MYO10: variants seen among roughly 807,000 people sequenced by gnomAD.
MYO10 encodes the protein unconventional myosin-X.
In MYO10, 133 loss-of-function variants were observed where a neutral mutation model predicts 257.3. That is an observed-to-expected ratio of 0.52 (90% CI 0.45 to 0.60). The LOEUF is 0.60. Ranked by LOEUF, MYO10 falls within the 20% of genes least tolerant of loss-of-function variation. The pLI is 0.00. For synonymous variants in MYO10, 1,104 were observed against 1,028.6 expected (o/e 1.07, Z -1.40); for missense variants, 2,399 against 2,635.7 (o/e 0.91, Z 1.97).
intron 9 of MYO10, among the ~76,000 whole-genome samples, chr5:16,778,842 C>A (rs1277453948): frequency 6.6e-6 from 1 of 152,098 alleles, no homozygotes; most frequent in African/African-American, 2.4e-5. Flanking sequence ...AGGCGCCCGC[C>A]ACCACGCCCG....
intron 21 of MYO10, among the ~76,000 whole-genome samples, chr5:16,709,571 C>A (rs1466197275): frequency 6.6e-6 from 1 of 151,988 alleles, no homozygotes; most frequent in East Asian, 1.9e-4. Flanking sequence ...GGACTTCAGT[C>A]CTCAAAAACA....
At chr5:16,697,771 A>G (rs796560649) in intron 26 of MYO10, among the ~76,000 whole-genome samples, 6 of 144,110 alleles carry the variant, frequency 4.2e-5, no homozygotes, top group African/African-American at 1.6e-4. Context: ...AAAGACGGCA[A>G]TAAAAAGGAA....
intron 19 of MYO10, chr5:16,713,265 G>A: frequency 1.0e-6 from 1 of 959,910 alleles, no homozygotes; most frequent in Non-Finnish European, 1.2e-6. Context: ...CGAAGCTCGA[G>A]TTATTAAAAC....
Position 16,764,254 on chromosome 5 carries a change from A to C in MYO10, c.1322T>G (p.Phe441Cys), listed in dbSNP as rs1740802817. Residue 441 changes from phenylalanine (F) to cysteine (C), a missense_variant, in exon 12 of 41, where the codon TTT becomes TGT. By Grantham distance (205) the Phe-to-Cys change is radical. Around this residue, in one of 3 missense-constraint regions of MYO10, gnomAD observed 337 missense variants for 446.8 expected, o/e 0.75. Coordinates refer to ENST00000513610, the MANE Select transcript of MYO10 (RefSeq NM_012334.3). ...CTGCACTGTTAGGAAACCTACCTCA[A>C]AGTTTTCAAATCCAAAGATGTCGAG... The part of the protein sequence containing the change: ...GILDIFGFEN[F>C]EVNHFEQFNI... The C allele has an allele frequency of 1.2e-6, 2 of 1,613,960 alleles. No individual in the cohort carries two copies. Among genetic ancestry groups the C allele is most frequent in the African/African-American group, 1.3e-5 (1 of 75,050 alleles).
At chr5:16,934,523 C>T (rs983097278) in intron 1 of MYO10, among the ~76,000 whole-genome samples, 6 of 152,180 alleles carry the variant, frequency 3.9e-5, no homozygotes, top group Non-Finnish European at 8.8e-5. Flanking sequence ...TTTCGACAAG[C>T]ATGAAAACAA....
intron 2 of MYO10, among the ~76,000 whole-genome samples, chr5:16,824,156 C>T (rs771581410): frequency 3.9e-5 from 6 of 152,148 alleles, no homozygotes; most frequent in Non-Finnish European, 8.8e-5. Context: ...AGTCTTAAAA[C>T]CTAACTTTTC....
intron 1 of MYO10, among the ~76,000 whole-genome samples, chr5:16,932,969 G>A (rs575271569): frequency 3.3e-5 from 5 of 152,226 alleles, no homozygotes; most frequent in South Asian, 2.1e-4. Flanking sequence ...ATGTTGCCCC[G>A]GCTGGTCTTG....
At position 16,711,164 on chromosome 5, in the gene MYO10, C is replaced by A. The variant is rs748040621; in HGVS notation, c.2011G>T (p.Ala671Ser). Reference sequence around the variant, plus strand: ...AAGGGTCTTCGGACCGCATACCCAGCTTTGCGGATTCTCACAGTCTCCAGC... The same window carrying A: ...AAGGGTCTTCGGACCGCATACCCAGATTTGCGGATTCTCACAGTCTCCAGC... ...GMLETVRIRK[A>S]GYAVRRPFQD... is the part of the protein sequence containing the mutation. The change falls in exon 20 of 41, where the codon GCT (alanine) becomes TCT (serine). Residue 671 changes from alanine (A) to serine (S), a missense_variant. Coordinates refer to ENST00000513610, the MANE Select transcript of MYO10 (RefSeq NM_012334.3). 1.9e-6 allele frequency: 3 copies of A among 1,613,764 alleles called. No individual in the cohort carries two copies. In the African/African-American group the frequency reaches 4.0e-5, roughly 22 times the overall value.
At chr5:16,855,446 G>A (rs75663873) in intron 2 of MYO10, among the ~76,000 whole-genome samples, 1,697 of 152,142 alleles carry the variant, frequency 0.011, 33 homozygotes, top group Middle Eastern at 0.034. Context: ...AAAATAAAGC[G>A]AGATACATGT....
chr5:16,686,844 T>G (rs1254807683), intron 28 of MYO10, among the ~76,000 whole-genome samples: 3 of 152,148 alleles, frequency 2.0e-5, no homozygotes, highest in Non-Finnish European at 2.9e-5. Context: ...CTATTTTTGT[T>G]ATGTATTCCC....
At chr5:16,872,315 C>T (rs1037871850) in intron 2 of MYO10, among the ~76,000 whole-genome samples, 2 of 152,158 alleles carry the variant, frequency 1.3e-5, no homozygotes, top group Admixed American at 6.5e-5. Flanking sequence ...CTGTATGAGT[C>T]CACTCACTGA....
intron 2 of MYO10, among the ~76,000 whole-genome samples, chr5:16,820,674 G>C (rs1481578991): frequency 6.6e-6 from 1 of 151,898 alleles, no homozygotes; most frequent in Non-Finnish European, 1.5e-5. Flanking sequence ...TGTCACTCTA[G>C]GTATACTGAG....
intron 1 of MYO10, among the ~76,000 whole-genome samples, chr5:16,914,472 T>C (rs1010832428): frequency 6.6e-6 from 1 of 152,208 alleles, no homozygotes; most frequent in African/African-American, 2.4e-5. Context: ...CTGGGATCAG[T>C]GATATCTGAC....
At chr5:16,758,016 T>C (rs1368453733) in intron 18 of MYO10, 102 bp downstream of exon 18, 2 of 896,998 alleles carry the variant, frequency 2.2e-6, no homozygotes, top group Non-Finnish European at 3.6e-6. Context: ...GAAACAAAAA[T>C]AAACAAATAT....
At chr5:16,931,276 CAAT>C (rs1253929995) in intron 1 of MYO10, among the ~76,000 whole-genome samples, 3 of 151,752 alleles carry the variant, frequency 2.0e-5, no homozygotes, top group African/African-American at 7.3e-5. Flanking sequence ...CATCTCAAAA[CAAT>C]AATAATAATA....
chr5:16,923,791 A>G (rs527382736), intron 1 of MYO10, among the ~76,000 whole-genome samples: 1 of 114,852 alleles, frequency 8.7e-6, no homozygotes, highest in South Asian at 3.0e-4. Context: ...ATGCAAAGAA[A>G]TAAAAATCAA....
In MYO10 at chr5:16,666,805, G is replaced by A; in HGVS notation, c.6076-12C>T. 4 of 1,585,554 alleles carry A rather than the reference G, an allele frequency of 2.5e-6. No individual in the cohort carries two copies. In the South Asian group the frequency reaches 3.4e-5, roughly 14 times the overall value. On this transcript the variant is annotated splice_polypyrimidine_tract_variant and intron_variant, in intron 40 of 40. Transcript: ENST00000513610. ...GCCACATCCACCACCTGCCCAGGGG[G>A]AAGCAGAACCGACACAGCGTCACAA...
chr5:16,837,507 G>A (rs114021757), intron 2 of MYO10, among the ~76,000 whole-genome samples: 3,860 of 152,216 alleles, frequency 0.025, 67 homozygotes, highest in Admixed American at 0.037. Flanking sequence ...CAGGTACAAG[G>A]TTTTCTTTCG....
At chr5:16,691,902 T>A (rs1737526523) in intron 27 of MYO10, among the ~76,000 whole-genome samples, 3 of 152,166 alleles carry the variant, frequency 2.0e-5, no homozygotes, top group Admixed American at 2.0e-4. Context: ...TTCAAACACA[T>A]GCCCATATAG....
Sources: gnomAD v4.1 joint callset for allele counts (sites outside exome capture counted in the v4.1 genomes callset) on GRCh38, gnomAD v4.1.1 for gene constraint, gnomAD v4.1.1 regional missense constraint, MANE v1.5 for transcripts, NCBI Gene and HGNC (gene_info 2026-07-23, HGNC 2026-07-21) for gene names.